Variants in CHAF1A observed in about 807,000 individuals in gnomAD.
CHAF1A encodes the protein CAF-1 subunit A.
A neutral mutation model predicts 93.2 loss-of-function variants in CHAF1A; 5 were observed. That is an observed-to-expected ratio of 0.05 (90% CI 0.03 to 0.11). CHAF1A has a LOEUF of 0.11. Among genes scored for constraint, CHAF1A ranks in the 10% least tolerant of loss-of-function variants. CHAF1A has a pLI of 1.00. For synonymous variants in CHAF1A, 504 were observed against 510.3 expected, an observed-to-expected ratio of 0.99 and a Z score of 0.17; for missense variants, 1,102 against 1,259.9, an observed-to-expected ratio of 0.87 and a Z score of 1.90.
At chr19:4,436,108 G>A (rs893180840) in intron 13 of CHAF1A, among the ~76,000 whole-genome samples, 6 of 151,710 alleles carry the variant, frequency 4.0e-5, no homozygotes, top group Admixed American at 1.3e-4. Context: ...CATTGTACTC[G>A]AGCCTGGGCA....
chr19:4,446,413 C>T (rs1395328188), downstream of CHAF1A: 1 of 1,578,606 alleles, frequency 6.3e-7, no homozygotes, highest in South Asian at 1.1e-5. Context: ...CCGCCTCGGA[C>T]CTGCACACGC....
At chr19:4,405,110 C>T (rs539721967) in intron 1 of CHAF1A, among the ~76,000 whole-genome samples, 1 of 152,280 alleles carries the variant, frequency 6.6e-6, no homozygotes, top group East Asian at 1.9e-4. Context: ...ATTCCACTTT[C>T]ATTTCATGAA....
chr19:4,441,334 A>T (rs1032402899), intron 13 of CHAF1A, among the ~76,000 whole-genome samples: 1 of 151,766 alleles, frequency 6.6e-6, no homozygotes, highest in East Asian at 2.0e-4. Context: ...TATATATTAA[A>T]TAAAAATACA....
chr19:4,412,647 A>G (rs1205264755), intron 3 of CHAF1A, among the ~76,000 whole-genome samples: 3 of 152,208 alleles, frequency 2.0e-5, no homozygotes, highest in African/African-American at 7.2e-5. Context: ...GTTGGGCATC[A>G]TGGTGGCACA....
intron 3 of CHAF1A, among the ~76,000 whole-genome samples, chr19:4,416,539 A>C (rs1293302934): frequency 1.3e-5 from 2 of 152,178 alleles, no homozygotes; most frequent in African/African-American, 4.8e-5. Flanking sequence ...AGAAGGTAGA[A>C]GTCCTAGAAA....
chr19:4,411,642 A>ATTTTTTTT, intron 3 of CHAF1A, among the ~76,000 whole-genome samples: 1 of 38,066 alleles, frequency 2.6e-5, no homozygotes, highest in Non-Finnish European at 6.0e-5. Context: ...AATGGTGCAA[A>ATTTTTTTT]TCTTTTTTTT....
In CHAF1A at chr19:4,433,228, G is replaced by A. The variant is rs769265139; in HGVS notation, c.2362G>A (p.Glu788Lys). ...TTYLHTPTPS[E>K]DAAIPSKSRL... ...CTACCTGCACACCCCCACCCCCAGC[G>A]AGGATGCCGCCATCCCCTCTAAGTC... The change falls in exon 13 of 15, where the codon GAG becomes AAG. Residue 788 changes from glutamate to lysine, a missense_variant. By Grantham distance (56) the Glu-to-Lys change is moderately conservative. Around this residue, in one of 6 missense-constraint regions of CHAF1A, gnomAD observed 335 missense variants for 361.9 expected, o/e 0.93. Transcript: ENST00000301280. The surrounding 1 kb of genome is among the most constrained non-coding windows in gnomAD (Gnocchi z 5.6). 4.4e-5 allele frequency: 71 copies of A among 1,613,996 alleles called. No individual in the cohort carries two copies. The highest frequency in any genetic ancestry group is 5.6e-5 in the Non-Finnish European group (66 of 1,180,018).
intron 2 of CHAF1A, among the ~76,000 whole-genome samples, chr19:4,408,093 A>C (rs1464006665): frequency 1.3e-5 from 2 of 149,340 alleles, no homozygotes; most frequent in African/African-American, 5.0e-5. Context: ...TGCAGCCTCT[A>C]CCTCCTGGGC....
intron 7 of CHAF1A, among the ~76,000 whole-genome samples, chr19:4,424,757 C>T (rs1488478566): frequency 2.0e-5 from 3 of 152,194 alleles, no homozygotes; most frequent in African/African-American, 4.8e-5. Flanking sequence ...GTGTCAGCCT[C>T]CCAGGTAGCT....
At chr19:4,447,625 C>T, downstream of CHAF1A, 3 of 1,613,886 alleles carry the variant, frequency 1.9e-6, no homozygotes, top group South Asian at 3.3e-5. Context: ...TGTCCAGGTA[C>T]CTGGGGTAGG....
downstream of CHAF1A, chr19:4,447,659 C>A (rs747762509): frequency 3.7e-6 from 6 of 1,609,384 alleles, no homozygotes; most frequent in South Asian, 6.6e-5. Context: ...TGGGGCACAG[C>A]CCAGGCTGCC....
At chr19:4,407,038 A>G (rs528244833) in intron 2 of CHAF1A, among the ~76,000 whole-genome samples, 68 of 152,124 alleles carry the variant, frequency 4.5e-4, no homozygotes, top group African/African-American at 1.5e-3. Flanking sequence ...CCTGGCCAAC[A>G]TGGTGAAACC....
At chr19:4,442,378 G>GGT in intron 14 of CHAF1A, 37 bp downstream of exon 14, 1 of 1,502,332 alleles carries the variant, frequency 6.7e-7, no homozygotes, top group South Asian at 1.2e-5. Context: ...GCACTGGTGA[G>GGT]GTGGGCGCTG....
At chr19:4,417,441 C>T (rs901079888) in intron 3 of CHAF1A, among the ~76,000 whole-genome samples, 1 of 149,782 alleles carries the variant, frequency 6.7e-6, no homozygotes, top group African/African-American at 2.5e-5. Flanking sequence ...CTCCCTGTCG[C>T]CCAGGCCAGC....
Position 4,433,488 on chromosome 19 carries a change from G to C in CHAF1A, c.2622G>C (p.Ala874=). The change falls in exon 13 of 15, where the codon GCG becomes GCC. Residue 874 remains alanine, a synonymous_variant. Transcript: ENST00000301280. This position sits in a 1 kb window ranked among gnomAD's most constrained non-coding sequence, Gnocchi z 5.6. ...GTPISLKRKS[A]GSMCITQFMK... is the part of the protein sequence containing the mutation. ...CCATCTCGCTGAAGAGGAAGTCAGCGGGCAGCATGTGCATCACCCAATTCA... is the reference window on the plus strand; with the variant it reads ...CCATCTCGCTGAAGAGGAAGTCAGCCGGCAGCATGTGCATCACCCAATTCA... 4.4e-6 allele frequency: 7 copies of C among 1,595,840 alleles called. No individual in the cohort carries two copies. The highest frequency in any genetic ancestry group is 6.0e-6 in the Non-Finnish European group (7 of 1,165,410).
chr19:4,440,469 C>T (rs1034409220), intron 13 of CHAF1A, among the ~76,000 whole-genome samples: 7 of 151,472 alleles, frequency 4.6e-5, no homozygotes, highest in East Asian at 1.9e-4. Flanking sequence ...ATTAGCTGGG[C>T]GTGATGGCGG....
In CHAF1A at chr19:4,437,681, A is replaced by G. The variant is rs774980971; in HGVS notation, c.2673+4142A>G. Among the ~76,000 whole-genome samples, 3 of 152,168 alleles carry G rather than the reference A, an allele frequency of 2.0e-5. No individual in the cohort carries two copies. In the South Asian group the frequency reaches 6.2e-4, roughly 32 times the overall value. The stretch of plus-strand genomic sequence containing the variant: ...AGCCATTCATCTGCAAGTGGTGTAC[A>G]TCCATATTTTTTACTCGGTTACACT... On this transcript the variant is annotated intron_variant, in intron 13 of 14. Transcript: ENST00000301280.
intron 2 of CHAF1A, among the ~76,000 whole-genome samples, chr19:4,407,612 G>A (rs1438028318): frequency 6.6e-6 from 1 of 152,174 alleles, no homozygotes; most frequent in African/African-American, 2.4e-5. Flanking sequence ...AAATTCTGGC[G>A]ATGGCTCTGC....
chr19:4,445,681 G>GA, downstream of CHAF1A: 1 of 1,581,024 alleles, frequency 6.3e-7, no homozygotes, highest in Non-Finnish European at 8.6e-7. Context: ...CCGCGGCAGG[G>GA]AACTCAGCGG....
Sources: gnomAD v4.1 joint callset for allele counts (sites outside exome capture counted in the v4.1 genomes callset) on GRCh38, gnomAD v4.1.1 for gene constraint, gnomAD v4.1.1 regional missense constraint, Gnocchi (gnomAD v3.1) non-coding constraint, MANE v1.5 for transcripts, NCBI Gene and HGNC (gene_info 2026-07-23, HGNC 2026-07-21) for gene names.